The following GUF1 variants were observed in gnomAD, a reference collection of about 807,000 sequenced individuals.
The protein encoded by GUF1 is GTP binding elongation factor GUF1.
In GUF1, 78 loss-of-function variants were observed where a neutral mutation model predicts 82.4. The ratio of observed to expected loss-of-function variants is 0.95; its 90% CI spans 0.79 to 1.14. The LOEUF is 1.14. Ranked by LOEUF, GUF1 falls within the 50% of genes most tolerant of loss-of-function variation. GUF1 has a pLI of 0.00. For missense variants in GUF1, 814 were observed against 798.2 expected (o/e 1.02, Z -0.24); for synonymous variants, 279 against 282.3 (o/e 0.99, Z 0.12).
intron 10 of GUF1, 47 bp from the exon 11 acceptor site, chr4:44,689,796 A>G (rs772238148): frequency 1.4e-6 from 2 of 1,436,784 alleles, no homozygotes; most frequent in East Asian, 2.4e-5. Context: ...AAAAAAATGA[A>G]GCCCATGGGA....
chr4:44,697,050 G>T (rs1219987727), intron 15 of GUF1, among the ~76,000 whole-genome samples: 1 of 152,142 alleles, frequency 6.6e-6, no homozygotes, highest in African/African-American at 2.4e-5. Flanking sequence ...TGAAGTAGTA[G>T]TGTTAATTTT....
chr4:44,698,051 C>A (rs1028767848), intron 16 of GUF1, among the ~76,000 whole-genome samples: 12 of 152,106 alleles, frequency 7.9e-5, no homozygotes, highest in African/African-American at 2.9e-4. Flanking sequence ...GAGGGTGCAG[C>A]ATGAGAATTG....
At chr4:44,680,111 C>T (rs1714677880) in intron 1 of GUF1, among the ~76,000 whole-genome samples, 1 of 147,012 alleles carries the variant, frequency 6.8e-6, no homozygotes, top group African/African-American at 2.7e-5. Flanking sequence ...AAAAGTTTTA[C>T]TAGACAAGGT....
intron 4 of GUF1, among the ~76,000 whole-genome samples, chr4:44,681,807 C>G (rs1156466473): frequency 1.3e-5 from 2 of 152,026 alleles, no homozygotes; most frequent in Non-Finnish European, 2.9e-5. Flanking sequence ...CTGATCCCAT[C>G]AAGGAAAGTC....
rs141948255 is a variant in GUF1, at chr4:44,694,437, C to G, written c.1639C>G (p.Gln547Glu). The change falls in exon 14 of 17, where the codon CAG becomes GAG. Residue 547 changes from glutamine to glutamate, a missense_variant. Physicochemically the swap from Gln to Glu is conservative, Grantham distance 29 (BLOSUM62 2). Coordinates refer to ENST00000281543, the MANE Select transcript of GUF1 (RefSeq NM_021927.3). ...ASFDYEDAGY[Q>E]TAELVKMDIL... ...TTTTGATTACGAAGATGCAGGCTAC[C>G]AGACTGCAGAACTTGTAAAAATGGA... The G allele has an allele frequency of 3.0e-5, 49 of 1,610,804 alleles. No individual in the cohort carries two copies. The highest frequency in any genetic ancestry group is 3.6e-5 in the Non-Finnish European group (42 of 1,177,690).
At chr4:44,681,355 G>T in intron 4 of GUF1, 152 bp downstream of exon 4, 1 of 582,514 alleles carries the variant, frequency 1.7e-6, no homozygotes, top group East Asian at 2.8e-5. Flanking sequence ...GTTTCATCCT[G>T]TTAATCTGAA....
chr4:44,690,897 T>G (rs1301254940), intron 12 of GUF1, 37 bp downstream of exon 12: 6 of 1,480,388 alleles, frequency 4.1e-6, no homozygotes, highest in Admixed American at 2.1e-5. Flanking sequence ...AAATTAGGTT[T>G]TAGTCCTCTG....
Position 44,686,524 on chromosome 4 carries a change from G to A in GUF1, c.749G>A (p.Arg250His), listed in dbSNP as rs770957321. 21 of 1,609,578 alleles carry A rather than the reference G, an allele frequency of 1.3e-5. No homozygotes were observed. The highest frequency in any genetic ancestry group is 2.2e-5 in the East Asian group (1 of 44,752). Residue 250 changes from arginine (R) to histidine (H), a missense_variant, in exon 8 of 17, where the codon CGC (arginine) becomes CAC (histidine). By Grantham distance (29) the Arg-to-His change is conservative. Coordinates refer to ENST00000281543, the MANE Select transcript of GUF1 (RefSeq NM_021927.3). ...ATATTTACTAGTCCTAAAGTGCATC[G>A]CAAAAATCCTCTGAGAGCTTTGGTA... Reference protein sequence around the residue: ...IERIPPPKVHRKNPLRALVFD... With the variant: ...IERIPPPKVHHKNPLRALVFD...
At chr4:44,682,724 T>C (rs1386878101) in intron 5 of GUF1, 1 of 185,432 alleles carries the variant, frequency 5.4e-6, no homozygotes, top group East Asian at 1.3e-4. Flanking sequence ...GTTTATAATC[T>C]AGGAAGAAAC....
chr4:44,686,095 C>A, intron 7 of GUF1, 72 bp downstream of exon 7: 1 of 981,468 alleles, frequency 1.0e-6, no homozygotes, highest in Non-Finnish European at 1.6e-6. Flanking sequence ...TTTAATAGTT[C>A]AAAGACTGTC....
At chr4:44,685,879 A>G in intron 6 of GUF1, 80 bp from the exon 7 acceptor site, 1 of 922,324 alleles carries the variant, frequency 1.1e-6, no homozygotes, top group Non-Finnish European at 1.7e-6. Context: ...TTTCCTTCTG[A>G]TCATAAGTCA....
intron 15 of GUF1, among the ~76,000 whole-genome samples, chr4:44,696,849 A>G (rs969256672): frequency 6.6e-6 from 1 of 152,180 alleles, no homozygotes; most frequent in African/African-American, 2.4e-5. Context: ...TACCTTAAAA[A>G]ATTGGTTTTT....
chr4:44,685,029 G>C (rs1714970196), intron 6 of GUF1, among the ~76,000 whole-genome samples: 1 of 152,150 alleles, frequency 6.6e-6, no homozygotes, highest in South Asian at 2.1e-4. Context: ...GGTTGAACCA[G>C]AGTGAATGTA....
intron 14 of GUF1, among the ~76,000 whole-genome samples, chr4:44,695,043 A>T (rs183965951): frequency 6.6e-6 from 1 of 152,218 alleles, no homozygotes; most frequent in Non-Finnish European, 1.5e-5. Flanking sequence ...TTGACCTCTG[A>T]TCTGCCCGCC....
intron 15 of GUF1, among the ~76,000 whole-genome samples, chr4:44,696,421 T>C (rs1450425703): frequency 6.6e-6 from 1 of 152,124 alleles, no homozygotes; most frequent in East Asian, 1.9e-4. Flanking sequence ...CCCAGTTTTT[T>C]AACAAAAACC....
At chr4:44,679,684 TAAA>T (rs1166076977) in intron 1 of GUF1, among the ~76,000 whole-genome samples, 2 of 152,262 alleles carry the variant, frequency 1.3e-5, no homozygotes, top group Admixed American at 1.3e-4. Flanking sequence ...ATGGGGCTAT[TAAA>T]AAACAAAGCT....
At chr4:44,678,829 G>A in intron 1 of GUF1, 42 bp downstream of exon 1, 4 of 1,525,214 alleles carry the variant, frequency 2.6e-6, no homozygotes, top group Non-Finnish European at 3.5e-6. Context: ...GTTTTCAAAC[G>A]TTGGAGTGCC....
intron 13 of GUF1, 37 bp downstream of exon 13, chr4:44,691,836 CTT>C (rs1560346842): frequency 6.8e-7 from 1 of 1,478,966 alleles, no homozygotes; most frequent in South Asian, 1.3e-5. Flanking sequence ...GCCTGACCAA[CTT>C]TTTTGAAATA....
In GUF1 at chr4:44,697,458, TG is replaced by T. The variant is rs1329571243; in HGVS notation, c.1872+15del. The T allele has an allele frequency of 1.4e-6, 2 of 1,428,950 alleles. No homozygotes were observed. Among genetic ancestry groups the T allele is most frequent in the African/African-American group, 2.8e-5 (2 of 70,586 alleles). 88.5% of individuals were successfully genotyped at this position (1,428,950 alleles called of 1,614,324 possible). A position where few individuals can be genotyped will look rare whatever the true frequency, so the allele number is the denominator to read the frequency against. On this transcript the variant is annotated intron_variant, in intron 16 of 16. Transcript: ENST00000281543. ...TTGGCAAAATGTGTATGTATCTAGTTGTATTTATTCTACTTTATAACTTTTA... is the reference window on the plus strand; with the variant it reads ...TTGGCAAAATGTGTATGTATCTAGTTTATTTATTCTACTTTATAACTTTTA...
Sources: allele counts gnomAD v4.1 joint callset (sites outside exome capture counted in the v4.1 genomes callset), GRCh38; gene constraint gnomAD v4.1.1; transcripts MANE v1.5; gene names NCBI Gene and HGNC (gene_info 2026-07-23, HGNC 2026-07-21).